GFRA1: variants seen among roughly 807,000 people sequenced by gnomAD.
GFRA1 encodes the protein GDNF family receptor alpha 1, also known as GDNF family receptor alpha-1.
In GFRA1, 16 loss-of-function variants were observed where a neutral mutation model predicts 51.6. The observed-to-expected ratio is 0.31, with a 90% confidence interval of 0.21 to 0.47. The LOEUF (loss-of-function observed/expected upper bound fraction) is 0.47, where lower values mean the gene tolerates loss of function less well. Ranked by LOEUF, GFRA1 falls within the 20% of genes least tolerant of loss-of-function variation. The pLI, the probability that GFRA1 is intolerant of heterozygous loss-of-function variation, is 1.00. For missense variants in GFRA1, 530 were observed against 594.3 expected (o/e 0.89, Z 1.13); for synonymous variants, 270 against 241.3 (o/e 1.12, Z -1.10).
At chr10:116,123,690 G>A (rs1957738700) in intron 6 of GFRA1, among the ~76,000 whole-genome samples, 1 of 152,010 alleles carries the variant, frequency 6.6e-6, no homozygotes, top group African/African-American at 2.4e-5. Flanking sequence ...ATATATTGAG[G>A]GCTTCTACCT....
At chr10:116,146,340 A>G (rs1371629054) in intron 5 of GFRA1, among the ~76,000 whole-genome samples, 1 of 152,354 alleles carries the variant, frequency 6.6e-6, no homozygotes, top group East Asian at 1.9e-4. Flanking sequence ...CATCGAGTAC[A>G]TTCCTGATAG....
intron 6 of GFRA1, among the ~76,000 whole-genome samples, chr10:116,101,771 G>C (rs1432835684): frequency 6.6e-6 from 1 of 152,106 alleles, no homozygotes; most frequent in East Asian, 1.9e-4. Flanking sequence ...TAAGACACGT[G>C]GTTGGTGGAA....
chr10:116,244,974 A>G (rs2134657293), intron 4 of GFRA1, among the ~76,000 whole-genome samples: 1 of 152,328 alleles, frequency 6.6e-6, no homozygotes, highest in Middle Eastern at 3.4e-3. Flanking sequence ...GAAAGCTAAA[A>G]AGAGAGCTTA....
At chr10:116,068,832 C>T (rs569723896) in intron 9 of GFRA1, among the ~76,000 whole-genome samples, 2 of 146,176 alleles carry the variant, frequency 1.4e-5, no homozygotes, top group African/African-American at 5.4e-5. Flanking sequence ...GGGCGTCTCC[C>T]GCTTTCAGCT....
intron 4 of GFRA1, among the ~76,000 whole-genome samples, chr10:116,250,261 C>T (rs559763282): frequency 6.6e-6 from 1 of 152,254 alleles, no homozygotes; most frequent in Admixed American, 6.5e-5. Flanking sequence ...TGGGGCATCG[C>T]CATTCTTTGG....
At chr10:116,090,617 G>GGATTA (rs1956294244) in intron 8 of GFRA1, among the ~76,000 whole-genome samples, 1 of 151,940 alleles carries the variant, frequency 6.6e-6, no homozygotes, top group Non-Finnish European at 1.5e-5. Context: ...CAATTTCATA[G>GGATTA]GATTAGATTG....
chr10:116,122,673 C>T (rs866124712), intron 6 of GFRA1, among the ~76,000 whole-genome samples: 17 of 152,180 alleles, frequency 1.1e-4, no homozygotes, highest in African/African-American at 3.4e-4. Flanking sequence ...TATGGGCTTT[C>T]TCAATATGTG....
chr10:116,238,113 C>T (rs1250126260), intron 4 of GFRA1, among the ~76,000 whole-genome samples: 3 of 152,296 alleles, frequency 2.0e-5, no homozygotes, highest in African/African-American at 7.2e-5. Context: ...GCTCAGTCTT[C>T]CAATAAATTT....
In GFRA1 at chr10:116,064,170, A is replaced by AT. The variant is rs1954978850; in HGVS notation, c.*227dup. On this transcript the variant is annotated 3_prime_UTR_variant, in exon 11 of 11. Coordinates refer to ENST00000355422, the MANE Select transcript of GFRA1 (RefSeq NM_005264.8). ...AAACTGTCCCTTTAAAATACAGCAT[A>AT]TCCCAAAGCCTTCTGAGTTTGGATG... 3.8e-6 allele frequency: 2 copies of AT among 522,502 alleles called. No individual in the cohort carries two copies. The highest frequency in any genetic ancestry group is 4.3e-5 in the South Asian group (2 of 46,654). 32.4% of individuals were successfully genotyped at this position (522,502 alleles called of 1,614,324 possible). A position where few individuals can be genotyped will look rare whatever the true frequency, so the allele number is the denominator to read the frequency against.
chr10:116,107,439 G>C (rs1957047817), intron 6 of GFRA1, among the ~76,000 whole-genome samples: 1 of 152,116 alleles, frequency 6.6e-6, no homozygotes, highest in Non-Finnish European at 1.5e-5. Flanking sequence ...CTTTTTTAAG[G>C]TCTTCATGTG....
At chr10:116,145,708 C>A (rs956515704) in intron 5 of GFRA1, among the ~76,000 whole-genome samples, 2 of 152,152 alleles carry the variant, frequency 1.3e-5, no homozygotes, top group Non-Finnish European at 2.9e-5. Flanking sequence ...AATTTAAAGA[C>A]AACAGCTATA....
rs1406430640 is a variant in GFRA1 at position 116,089,987 on chromosome 10, C to G, written c.1016-65G>C. The G allele has an allele frequency of 5.7e-6, 8 of 1,414,064 alleles. No homozygotes were observed. In the Admixed American group the frequency reaches 1.5e-4, roughly 27 times the overall value. The allele number at this position is 1,414,064 out of a possible 1,614,324, so 87.6% of individuals were successfully genotyped here. On this transcript the variant is annotated intron_variant, in intron 8 of 10. Transcript: ENST00000355422. Reference sequence around the variant, plus strand: ...CAGCAAACGTAACAGACAGGATATACACAGCCAGAGAGGCACACTAGAAAT... The same window carrying G: ...CAGCAAACGTAACAGACAGGATATAGACAGCCAGAGAGGCACACTAGAAAT...
intron 4 of GFRA1, chr10:116,255,731 CCTT>C: frequency 7.8e-7 from 1 of 1,289,178 alleles, no homozygotes; most frequent in South Asian, 1.2e-5. Context: ...CTCCTTCTCC[CCTT>C]CTTTACATGG....
intron 5 of GFRA1, among the ~76,000 whole-genome samples, chr10:116,190,547 A>G (rs1260774453): frequency 2.0e-5 from 3 of 152,180 alleles, no homozygotes; most frequent in Non-Finnish European, 4.4e-5. Flanking sequence ...TGCTGCCAGG[A>G]TCCCACCCTC....
intron 9 of GFRA1, among the ~76,000 whole-genome samples, chr10:116,068,363 CTG>C (rs1409176495): frequency 6.6e-6 from 1 of 152,202 alleles, no homozygotes; most frequent in Non-Finnish European, 1.5e-5. Context: ...ACTGTCAGCT[CTG>C]TGAGTCTGAT....
At chr10:116,192,519 C>T (rs980574578) in intron 5 of GFRA1, among the ~76,000 whole-genome samples, 2 of 152,132 alleles carry the variant, frequency 1.3e-5, no homozygotes, top group Non-Finnish European at 2.9e-5. Flanking sequence ...GTGAATGAAT[C>T]GTCCAAGGCA....
intron 4 of GFRA1, among the ~76,000 whole-genome samples, chr10:116,230,070 C>A (rs1966584001): frequency 6.6e-6 from 1 of 152,126 alleles, no homozygotes; most frequent in Non-Finnish European, 1.5e-5. Context: ...CATCCAAGAG[C>A]GTAATCACCC....
chr10:116,157,112 A>C (rs1039744936), intron 5 of GFRA1, among the ~76,000 whole-genome samples: 2 of 152,226 alleles, frequency 1.3e-5, no homozygotes, highest in African/African-American at 4.8e-5. Flanking sequence ...TTAAACATTA[A>C]GAATTTAAAG....
chr10:116,159,008 C>T (rs975011835), intron 5 of GFRA1, among the ~76,000 whole-genome samples: 7 of 152,222 alleles, frequency 4.6e-5, no homozygotes, highest in Non-Finnish European at 1.0e-4. Context: ...TTGAAGGAAA[C>T]GGTGCTTTAC....
Sources: allele counts gnomAD v4.1 joint callset (sites outside exome capture counted in the v4.1 genomes callset), GRCh38; gene constraint gnomAD v4.1.1; transcripts MANE v1.5; gene names NCBI Gene and HGNC (gene_info 2026-07-23, HGNC 2026-07-21).